PPP3R1: variants seen among roughly 807,000 people sequenced by gnomAD.
PPP3R1 encodes the protein protein phosphatase 3 regulatory subunit B, alpha.
A neutral mutation model predicts 22.6 loss-of-function variants in PPP3R1; 5 were observed. The observed-to-expected ratio is 0.22, with a 90% CI of 0.12 to 0.46. The LOEUF is 0.46. Among genes scored for constraint, PPP3R1 ranks in the 20% least tolerant of loss-of-function variants. PPP3R1 has a pLI of 0.99. For synonymous variants in PPP3R1, 56 were observed against 65.2 expected, an observed-to-expected ratio of 0.86 and a Z score of 0.68; for missense variants, 61 against 203.2, an observed-to-expected ratio of 0.30 and a Z score of 4.25.
At chr2:68,232,598 T>TTTG (rs560474956) in intron 1 of PPP3R1, among the ~76,000 whole-genome samples, 285 of 151,778 alleles carry the variant, frequency 1.9e-3, no homozygotes, top group South Asian at 0.011. Context: ...TTACAGTGTT[T>TTTG]TTGTTGTTGT....
At chr2:68,250,538 T>C (rs1158960685) in intron 1 of PPP3R1, among the ~76,000 whole-genome samples, 2 of 152,244 alleles carry the variant, frequency 1.3e-5, no homozygotes, top group African/African-American at 4.8e-5. Context: ...GTAAAGCATG[T>C]GCATAAGGAA....
intron 1 of PPP3R1, among the ~76,000 whole-genome samples, chr2:68,230,867 G>C (rs1669883641): frequency 6.6e-6 from 1 of 152,132 alleles, no homozygotes. Context: ...CATTTGAACT[G>C]TTTTCCACAT....
chr2:68,181,448 C>T (rs911381724), intron 5 of PPP3R1, among the ~76,000 whole-genome samples: 1 of 151,352 alleles, frequency 6.6e-6, no homozygotes, highest in Non-Finnish European at 1.5e-5. Context: ...TTTAAAGACA[C>T]ACAAAAAACC....
intron 1 of PPP3R1, among the ~76,000 whole-genome samples, chr2:68,223,386 ACT>A (rs1479154709): frequency 2.0e-5 from 3 of 152,180 alleles, no homozygotes; most frequent in African/African-American, 7.2e-5. Flanking sequence ...ACAGTGCGAG[ACT>A]CTGTCTCAAA....
intron 2 of PPP3R1, among the ~76,000 whole-genome samples, chr2:68,192,696 T>A (rs1674691510): frequency 6.6e-6 from 1 of 152,156 alleles, no homozygotes; most frequent in African/African-American, 2.4e-5. Flanking sequence ...CTTCTTTACA[T>A]TGCCAACAGT....
At chr2:68,202,713 C>T (rs572660309) in intron 2 of PPP3R1, among the ~76,000 whole-genome samples, 2 of 151,450 alleles carry the variant, frequency 1.3e-5, no homozygotes, top group South Asian at 4.2e-4. Context: ...GTGTAAGCCA[C>T]TGTGCCCGGC....
At position 68,198,305 on chromosome 2, in the gene PPP3R1, GTATACATATATGTATATACATA is replaced by G. The variant is rs1211412254; in HGVS notation, c.44-9637_44-9616del. Among the ~76,000 whole-genome samples, 3 of 142,076 alleles carry G rather than the reference GTATACATATATGTATATACATA, an allele frequency of 2.1e-5. No homozygotes were observed. The East Asian group carries it at 6.1e-4, about 29-fold the overall frequency. 93.2% of individuals were successfully genotyped at this position (142,076 alleles called of 152,430 possible). A position where few individuals can be genotyped will look rare whatever the true frequency, so the allele number is the denominator to read the frequency against. On this transcript the variant is annotated intron_variant, in intron 2 of 5. Transcript: ENST00000234310. ...TGTATGTGTATACACATGTATACAT[GTATACATATATGTATATACATA>G]TGTACATATATGTACATGTATATGC...
chr2:68,240,780 G>T (rs1168456589), intron 1 of PPP3R1, among the ~76,000 whole-genome samples: 1 of 152,184 alleles, frequency 6.6e-6, no homozygotes, highest in Non-Finnish European at 1.5e-5. Context: ...AGCAGATGAA[G>T]AATTCATGGA....
intron 2 of PPP3R1, among the ~76,000 whole-genome samples, chr2:68,212,991 T>C (rs1023752987): frequency 1.3e-5 from 2 of 152,226 alleles, no homozygotes; most frequent in Non-Finnish European, 2.9e-5. Flanking sequence ...TTCTGCAGCT[T>C]CCCCATCTCT....
In PPP3R1 at chr2:68,252,203, G is replaced by T; in HGVS notation, c.-76C>A. 1 of 1,246,272 alleles carries T rather than the reference G, an allele frequency of 8.0e-7. No individual in the cohort carries two copies. The allele number at this position is 1,246,272 out of a possible 1,614,324, so 77.2% of individuals were successfully genotyped here. On this transcript the variant is annotated 5_prime_UTR_variant, in exon 1 of 6. Coordinates refer to ENST00000234310, the MANE Select transcript of PPP3R1 (RefSeq NM_000945.4). ...GCGCTCAGGCTGGCTCGCAGGAAAC[G>T]GCGGCGGCGGCCCAGCTGCGGCCCT...
chr2:68,180,817 C>T lies in PPP3R1; in HGVS notation c.*146G>A. ...TTACAGTTCAATAACACTTAGTTGG[C>T]TTCATGAGGCTCATGTTGGAAAATG... On this transcript the variant is annotated 3_prime_UTR_variant, in exon 6 of 6. Transcript: ENST00000234310. 2.6e-6 allele frequency: 2 copies of T among 767,790 alleles called. No homozygotes were observed. The highest frequency in any genetic ancestry group is 4.3e-6 in the Non-Finnish European group (2 of 469,620). The allele number at this position is 767,790 out of a possible 1,614,324, so 47.6% of individuals were successfully genotyped here. A position where few individuals can be genotyped will look rare whatever the true frequency, so the allele number is the denominator to read the frequency against.
At chr2:68,249,591 A>T (rs1020222162) in intron 1 of PPP3R1, among the ~76,000 whole-genome samples, 2 of 152,106 alleles carry the variant, frequency 1.3e-5, no homozygotes, top group Non-Finnish European at 2.9e-5. Context: ...TATATAAAAC[A>T]CCTCGTTCAG....
intron 2 of PPP3R1, among the ~76,000 whole-genome samples, chr2:68,209,408 A>C (rs756448149): frequency 6.7e-6 from 1 of 149,726 alleles, no homozygotes. Context: ...AAGTTACAAA[A>C]TAGCAGATAA....
chr2:68,243,609 G>A (rs1483457188), intron 1 of PPP3R1, among the ~76,000 whole-genome samples: 2 of 152,060 alleles, frequency 1.3e-5, no homozygotes, highest in African/African-American at 2.4e-5. Context: ...AAAAGTTCTA[G>A]TAAAATGTTA....
chr2:68,209,638 G>T (rs1467001337), intron 2 of PPP3R1, among the ~76,000 whole-genome samples: 2 of 151,754 alleles, frequency 1.3e-5, no homozygotes, highest in African/African-American at 4.8e-5. Flanking sequence ...CATGCCTGTG[G>T]TCCCAGCTAC....
At chr2:68,182,972 C>A (rs542261556) in intron 5 of PPP3R1, among the ~76,000 whole-genome samples, 1 of 152,288 alleles carries the variant, frequency 6.6e-6, no homozygotes, top group East Asian at 1.9e-4. Context: ...AGCCTTCCAA[C>A]CTGCTGCACT....
intron 1 of PPP3R1, among the ~76,000 whole-genome samples, chr2:68,240,696 C>T (rs1197686328): frequency 2.6e-5 from 4 of 152,168 alleles, no homozygotes; most frequent in Non-Finnish European, 5.9e-5. Context: ...GCAAACGATA[C>T]TGGGTGAATG....
chr2:68,202,482 T>G (rs140281324), intron 2 of PPP3R1, among the ~76,000 whole-genome samples: 78 of 152,150 alleles, frequency 5.1e-4, no homozygotes, highest in African/African-American at 1.8e-3. Context: ...TGGAGTGCAA[T>G]GACACAGACT....
intron 2 of PPP3R1, among the ~76,000 whole-genome samples, chr2:68,198,207 C>T (rs1356598325): frequency 7.2e-6 from 1 of 139,292 alleles, no homozygotes; most frequent in African/African-American, 2.6e-5. Flanking sequence ...CATATATGTG[C>T]ATACATATAT....
Sources: gnomAD v4.1 joint callset for allele counts (sites outside exome capture counted in the v4.1 genomes callset) on GRCh38, gnomAD v4.1.1 for gene constraint, MANE v1.5 for transcripts, NCBI Gene and HGNC (gene_info 2026-07-23, HGNC 2026-07-21) for gene names.